Variants in VIPR2 observed in about 807,000 individuals in gnomAD.
VIPR2 encodes the protein vasoactive intestinal peptide receptor 2, also known as vasoactive intestinal polypeptide receptor 2.
VIPR2 carries 48 observed loss-of-function variants against 58.0 expected under a neutral mutation model. That is an observed-to-expected ratio of 0.83 (90% CI 0.66 to 1.05). The LOEUF is 1.05. VIPR2 is among the 50% of genes least tolerant of loss of function. VIPR2 has a pLI of 0.00. For missense variants in VIPR2, 534 were observed against 558.0 expected, an observed-to-expected ratio of 0.96 and a Z score of 0.43; for synonymous variants, 243 against 235.2, an observed-to-expected ratio of 1.03 and a Z score of -0.30.
chr7:159,048,825 C>A (rs1854804235), intron 5 of VIPR2, among the ~76,000 whole-genome samples: 1 of 152,188 alleles, frequency 6.6e-6, no homozygotes, highest in Non-Finnish European at 1.5e-5. Context: ...AACTCCTCCA[C>A]AGCCAGCGTG....
intron 5 of VIPR2, among the ~76,000 whole-genome samples, chr7:159,057,187 CCTTA>C (rs1435874156): frequency 6.6e-6 from 1 of 152,126 alleles, no homozygotes; most frequent in Non-Finnish European, 1.5e-5. Context: ...CAGCTTACTT[CCTTA>C]AAGTTTTCCT....
At chr7:159,057,762 C>T (rs1855406323) in intron 5 of VIPR2, among the ~76,000 whole-genome samples, 1 of 152,142 alleles carries the variant, frequency 6.6e-6, no homozygotes, top group Admixed American at 6.5e-5. Context: ...GGGACCAAAA[C>T]CTCTACCCCC....
chr7:159,056,546 T>C (rs1022739775), intron 5 of VIPR2, among the ~76,000 whole-genome samples: 2 of 152,150 alleles, frequency 1.3e-5, no homozygotes, highest in Admixed American at 1.3e-4. Flanking sequence ...GCTGTCACCA[T>C]AGGATGACTC....
intron 4 of VIPR2, among the ~76,000 whole-genome samples, chr7:159,079,480 G>C (rs1241500140): frequency 6.6e-6 from 1 of 152,100 alleles, no homozygotes; most frequent in Non-Finnish European, 1.5e-5. Context: ...AGTGTGGAGA[G>C]GGAAATTTAT....
chr7:159,051,059 A>G (rs1026302663), intron 5 of VIPR2, among the ~76,000 whole-genome samples: 2 of 152,238 alleles, frequency 1.3e-5, no homozygotes, highest in Admixed American at 6.5e-5. Context: ...ACCAAAACTC[A>G]TAAGAATTCA....
intron 5 of VIPR2, among the ~76,000 whole-genome samples, chr7:159,055,105 AT>A (rs999665559): frequency 8.5e-5 from 13 of 152,298 alleles, no homozygotes; most frequent in African/African-American, 2.2e-4. Context: ...AATACATCAT[AT>A]TTTTTTGAGT....
rs1384027134 is a variant in VIPR2 at position 159,030,749 on chromosome 7, G to C, written c.1184C>G (p.Pro395Arg). ...GTAATCCCGGCTCGCGGACGGGGTCGGGCACCGGCTTCGCCATTTTCGCTT... is the reference window on the plus strand; with the variant it reads ...GTAATCCCGGCTCGCGGACGGGGTCCGGCACCGGCTTCGCCATTTTCGCTT... Reference protein sequence around the residue: ...ELKRKWRSRCPTPSASRDYRV... With the variant: ...ELKRKWRSRCRTPSASRDYRV... Residue 395 changes from proline to arginine, a missense_variant, in exon 13 of 13, where the codon CCG (proline) becomes CGG (arginine). Around this residue, in one of 3 missense-constraint regions of VIPR2, gnomAD observed 306 missense variants for 285.8 expected, o/e 1.07. Transcript: ENST00000262178. 1.0e-5 allele frequency: 16 copies of C among 1,589,860 alleles called. No individual in the cohort carries two copies. Among genetic ancestry groups the C allele is most frequent in the East Asian group, 2.3e-5 (1 of 43,320 alleles).
At chr7:159,113,391 T>C (rs1295750735) in intron 2 of VIPR2, among the ~76,000 whole-genome samples, 1 of 152,156 alleles carries the variant, frequency 6.6e-6, no homozygotes, top group African/African-American at 2.4e-5. Context: ...ACCCTTAGCG[T>C]TGTGAGCCCT....
chr7:159,105,997 G>A (rs1858621616), intron 3 of VIPR2, among the ~76,000 whole-genome samples: 1 of 152,232 alleles, frequency 6.6e-6, no homozygotes, highest in African/African-American at 2.4e-5. Flanking sequence ...TAATCTCAGA[G>A]ATGAGACGGC....
At chr7:159,135,593 C>T (rs376805025) in intron 2 of VIPR2, among the ~76,000 whole-genome samples, 1 of 152,032 alleles carries the variant, frequency 6.6e-6, no homozygotes, top group African/African-American at 2.4e-5. Flanking sequence ...GAGGCCAAGA[C>T]GGGTGGATCA....
intron 4 of VIPR2, among the ~76,000 whole-genome samples, chr7:159,079,587 G>A (rs1035504194): frequency 1.3e-5 from 2 of 152,152 alleles, no homozygotes; most frequent in African/African-American, 4.8e-5. Context: ...ACATTCAAAA[G>A]CTAGCAGAAG....
At chr7:159,080,594 C>T (rs1464872850) in intron 4 of VIPR2, among the ~76,000 whole-genome samples, 1 of 152,180 alleles carries the variant, frequency 6.6e-6, no homozygotes, top group Admixed American at 6.5e-5. Context: ...TCCTATTCAA[C>T]ATAGTGTTGG....
At chr7:159,034,364 T>A in intron 9 of VIPR2, 60 bp from the exon 10 acceptor site, 1 of 1,560,644 alleles carries the variant, frequency 6.4e-7, no homozygotes, top group South Asian at 1.1e-5. Flanking sequence ...TGCCCTGAAG[T>A]CCACCTGATT....
intron 5 of VIPR2, among the ~76,000 whole-genome samples, chr7:159,057,746 C>T (rs1585380041): frequency 6.6e-6 from 1 of 152,090 alleles, no homozygotes; most frequent in South Asian, 2.1e-4. Flanking sequence ...GAGAAACTGC[C>T]GTTCTGGGAC....
At chr7:159,053,888 T>C (rs1484776641) in intron 5 of VIPR2, among the ~76,000 whole-genome samples, 1 of 152,212 alleles carries the variant, frequency 6.6e-6, no homozygotes, top group Non-Finnish European at 1.5e-5. Context: ...AGTTTAAGAG[T>C]TGATTTTTAA....
chr7:159,109,599 T>G (rs554100767), intron 3 of VIPR2, among the ~76,000 whole-genome samples: 28 of 152,332 alleles, frequency 1.8e-4, no homozygotes, highest in Non-Finnish European at 2.6e-4. Context: ...TCCCTGTAGT[T>G]GCCCTGCTCT....
intron 2 of VIPR2, among the ~76,000 whole-genome samples, chr7:159,137,753 A>G (rs758174815): frequency 2.0e-5 from 3 of 152,232 alleles, no homozygotes; most frequent in Non-Finnish European, 2.9e-5. Flanking sequence ...ATGACCTTAA[A>G]GAGTTTAGAA....
chr7:159,066,619 T>C (rs1017929898), intron 4 of VIPR2, among the ~76,000 whole-genome samples: 2 of 152,264 alleles, frequency 1.3e-5, no homozygotes, highest in African/African-American at 4.8e-5. Flanking sequence ...TGCTCTGGGA[T>C]GGCTTGGTGG....
chr7:159,133,337 A>T (rs1245557024), intron 2 of VIPR2, among the ~76,000 whole-genome samples: 1 of 152,310 alleles, frequency 6.6e-6, no homozygotes, highest in Admixed American at 6.5e-5. Flanking sequence ...ACAGGCAACT[A>T]TGCCCACAGC....
Sources: allele counts gnomAD v4.1 joint callset (sites outside exome capture counted in the v4.1 genomes callset), GRCh38; gene constraint gnomAD v4.1.1; regional missense constraint gnomAD v4.1.1; transcripts MANE v1.5; gene names NCBI Gene and HGNC (gene_info 2026-07-23, HGNC 2026-07-21).